The following KLF13 variants were observed in gnomAD, a reference collection of about 807,000 sequenced individuals.
KLF13 encodes Krueppel-like factor 13.
KLF13 carries 8 observed loss-of-function variants against 16.7 expected under a neutral mutation model. The observed-to-expected ratio is 0.48, with a 90% CI of 0.28 to 0.87. KLF13 has a LOEUF of 0.87. Ranked by LOEUF, KLF13 falls within the 40% of genes least tolerant of loss-of-function variation. The pLI is 0.10. For synonymous variants in KLF13, 245 were observed against 208.4 expected (o/e 1.18, Z -1.51); for missense variants, 447 against 452.2 (o/e 0.99, Z 0.10).
chr15:31,341,245 G>A (rs2039016517), intron 1 of KLF13, among the ~76,000 whole-genome samples: 1 of 152,202 alleles, frequency 6.6e-6, no homozygotes, highest in Non-Finnish European at 1.5e-5. Flanking sequence ...GCCCATCTCT[G>A]GGTTTTCACT....
At chr15:31,340,166 G>A (rs1464327085) in intron 1 of KLF13, among the ~76,000 whole-genome samples, 4 of 152,230 alleles carry the variant, frequency 2.6e-5, no homozygotes, top group South Asian at 2.1e-4. Flanking sequence ...GCAGGCTGAG[G>A]ATGTACCCAG....
rs143854049 is a variant in KLF13 at position 31,367,519 on chromosome 15, C to T, written c.578-4491C>T. ...ATCCATTGGATGCTGCATTTCTCTG[C>T]GGCCCCAACACCATGTGGTCCACCT... On this transcript the variant is annotated intron_variant, in intron 1 of 1. Transcript: ENST00000307145. Among the ~76,000 whole-genome samples the T allele has an allele frequency of 3.5e-3, 538 of 152,312 alleles. 2 individuals are homozygous for T. The highest frequency in any genetic ancestry group is 8.9e-3 in the South Asian group (43 of 4,830).
chr15:31,434,985 A>C (rs946385386), intron 1 of KLF13, among the ~76,000 whole-genome samples: 1 of 152,218 alleles, frequency 6.6e-6, no homozygotes, highest in Non-Finnish European at 1.5e-5. Flanking sequence ...TCAAAACCAC[A>C]GTCAAGGCGG....
intron 1 of KLF13, among the ~76,000 whole-genome samples, chr15:31,421,754 A>G (rs1440342783): frequency 2.0e-5 from 3 of 152,176 alleles, no homozygotes; most frequent in Admixed American, 6.5e-5. Flanking sequence ...GTATACAAAA[A>G]ACAATCAACA....
At chr15:31,427,822 AAG>A (rs2040417786) in intron 1 of KLF13, among the ~76,000 whole-genome samples, 1 of 152,124 alleles carries the variant, frequency 6.6e-6, no homozygotes, top group Non-Finnish European at 1.5e-5. Flanking sequence ...AGGCAGGAGC[AAG>A]AGAGAGAGGG....
At chr15:31,352,646 C>T (rs2039235204) in intron 1 of KLF13, among the ~76,000 whole-genome samples, 2 of 152,246 alleles carry the variant, frequency 1.3e-5, no homozygotes, top group South Asian at 4.1e-4. Context: ...AGGGCTGGGT[C>T]TACCAACCCG....
chr15:31,339,934 C>G (rs766289375), intron 1 of KLF13: 6 of 702,354 alleles, frequency 8.5e-6, no homozygotes, highest in South Asian at 1.5e-5. Flanking sequence ...CTTCCCTGCT[C>G]TGCCCACCCA....
At chr15:31,369,889 GT>G (rs2039530580) in intron 1 of KLF13, among the ~76,000 whole-genome samples, 1 of 152,128 alleles carries the variant, frequency 6.6e-6, no homozygotes, top group Non-Finnish European at 1.5e-5. Flanking sequence ...ATGACCTGGT[GT>G]TTGTTTCTTC....
chr15:31,344,127 C>T (rs1257646355), intron 1 of KLF13, among the ~76,000 whole-genome samples: 1 of 152,186 alleles, frequency 6.6e-6, no homozygotes, highest in Non-Finnish European at 1.5e-5. Context: ...CAGCTACCTC[C>T]TGCTAGCGCT....
chr15:31,383,695 T>G (rs902236476), intron 1 of KLF13, among the ~76,000 whole-genome samples: 4 of 151,932 alleles, frequency 2.6e-5, no homozygotes, highest in African/African-American at 9.7e-5. Flanking sequence ...GGTCAGGAGA[T>G]CGAGACCATC....
At chr15:31,332,938 C>T (rs1020151658) in intron 1 of KLF13, among the ~76,000 whole-genome samples, 16 of 152,192 alleles carry the variant, frequency 1.1e-4, no homozygotes, top group African/African-American at 3.9e-4. Context: ...TCCCTGAGGT[C>T]TGCATGAGAG....
chr15:31,339,137 A>G (rs2038981520), intron 1 of KLF13, among the ~76,000 whole-genome samples: 1 of 152,150 alleles, frequency 6.6e-6, no homozygotes, highest in Non-Finnish European at 1.5e-5. Flanking sequence ...TACACAGCAG[A>G]ACTGGAGGTA....
chr15:31,418,143 A>T (rs1389142373), intron 1 of KLF13, among the ~76,000 whole-genome samples: 2 of 151,388 alleles, frequency 1.3e-5, no homozygotes, highest in Non-Finnish European at 2.9e-5. Context: ...TGTAATTAAA[A>T]ATTTACACTT....
chr15:31,386,927 T>G (rs2039802252), intron 1 of KLF13, among the ~76,000 whole-genome samples: 1 of 152,214 alleles, frequency 6.6e-6, no homozygotes, highest in African/African-American at 2.4e-5. Flanking sequence ...CTGAATATTT[T>G]TAAGCCCACT....
chr15:31,420,203 G>A (rs2040304945), intron 1 of KLF13: 2 of 607,390 alleles, frequency 3.3e-6, no homozygotes, highest in Non-Finnish European at 6.3e-6. Context: ...GAGTGGGGGT[G>A]CTGCCCAGAA....
chr15:31,396,702 G>A (rs1326450873), intron 2 of KLF13, among the ~76,000 whole-genome samples: 1 of 152,162 alleles, frequency 6.6e-6, no homozygotes, highest in Non-Finnish European at 1.5e-5. Flanking sequence ...CAATAGTGAT[G>A]TTATCCCCAG....
At chr15:31,327,865 C>T in intron 1 of KLF13, 76 bp downstream of exon 1, 1 of 1,220,810 alleles carries the variant, frequency 8.2e-7, no homozygotes, top group Non-Finnish European at 1.0e-6. Context: ...CCCCGGAGTC[C>T]CCGATGGGGC....
At position 31,375,433 on chromosome 15, in the gene KLF13, T is replaced by C. The variant is rs1380981372; in HGVS notation, c.*3134T>C. ...TGGTTTATGGCCATGCTTGCCAGTTTTGGTGGGGTTGAGGAACCCATAGGA... is the reference window on the plus strand; with the variant it reads ...TGGTTTATGGCCATGCTTGCCAGTTCTGGTGGGGTTGAGGAACCCATAGGA... On this transcript the variant is annotated 3_prime_UTR_variant, in exon 2 of 2. Coordinates refer to ENST00000307145, the MANE Select transcript of KLF13 (RefSeq NM_015995.4). 6.6e-6 allele frequency: 1 copy of C among 152,214 alleles called. No individual in the cohort carries two copies. The highest frequency in any genetic ancestry group is 1.5e-5 in the Non-Finnish European group (1 of 68,034). The allele number at this position is 152,214 out of a possible 1,614,324, so 9.4% of individuals were successfully genotyped here. A position where few individuals can be genotyped will look rare whatever the true frequency, so the allele number is the denominator to read the frequency against.
chr15:31,423,095 A>ATATACG (rs1346095011), intron 1 of KLF13, among the ~76,000 whole-genome samples: 3 of 139,410 alleles, frequency 2.2e-5, no homozygotes, highest in South Asian at 2.3e-4. Flanking sequence ...ATATACGTAT[A>ATATACG]TATACGTATA....
Sources: allele counts gnomAD v4.1 joint callset (sites outside exome capture counted in the v4.1 genomes callset), GRCh38; gene constraint gnomAD v4.1.1; transcripts MANE v1.5; gene names NCBI Gene and HGNC (gene_info 2026-07-23, HGNC 2026-07-21).